DYSF: variants seen among roughly 807,000 people sequenced by gnomAD.
DYSF encodes the protein dysferlin.
DYSF carries 212 observed loss-of-function variants against 274.9 expected under a neutral mutation model. The ratio of observed to expected loss-of-function variants is 0.77; its 90% CI spans 0.69 to 0.86. The LOEUF is 0.86. Ranked by LOEUF, DYSF falls within the 40% of genes least tolerant of loss-of-function variation. DYSF has a pLI of 0.00. For synonymous variants in DYSF, 1,091 were observed against 1,078.7 expected (o/e 1.01, Z -0.22); for missense variants, 2,666 against 2,783.2 (o/e 0.96, Z 0.95).
Position 71,612,692 on chromosome 2 carries a change from G to A in DYSF, c.4273G>A (p.Asp1425Asn), listed in dbSNP as rs1558619808. 8.1e-6 allele frequency: 13 copies of A among 1,614,016 alleles called. No homozygotes were observed. Among genetic ancestry groups the A allele is most frequent in the African/African-American group, 2.7e-5 (2 of 74,892 alleles). The change falls in exon 39 of 56, where the codon GAT becomes AAT. Residue 1425 changes from aspartate (D) to asparagine (N), a missense_variant. This residue lies in a region of DYSF where 1,460 missense variants were observed against 1,502.1 expected (regional missense o/e 0.97). Coordinates refer to ENST00000410020, the MANE Select transcript of DYSF (RefSeq NM_001130987.2). ...CCCCCCCATCACCGTCAAGGTCATC[G>A]ATAACCGCCAGTTTGGCCGCCGGCC... ...YCPPITVKVI[D>N]NRQFGRRPVV... is the part of the protein sequence containing the mutation.
chr2:71,626,495 T>G (rs1413576983), intron 41 of DYSF, among the ~76,000 whole-genome samples: 1 of 151,460 alleles, frequency 6.6e-6, no homozygotes, highest in Non-Finnish European at 1.5e-5. Context: ...ATAACAGGAA[T>G]TTCAGCTTCA....
At chr2:71,529,722 T>G (rs574189809) in intron 14 of DYSF, among the ~76,000 whole-genome samples, 2 of 152,332 alleles carry the variant, frequency 1.3e-5, no homozygotes, top group South Asian at 4.1e-4. Flanking sequence ...AGCTACCTCT[T>G]ATCTAATGGT....
At chr2:71,567,740 A>G (rs1194336800) in intron 24 of DYSF, among the ~76,000 whole-genome samples, 4 of 151,398 alleles carry the variant, frequency 2.6e-5, no homozygotes, top group Non-Finnish European at 5.9e-5. Flanking sequence ...ATGGGGAGGA[A>G]TCTTGGTGAG....
intron 30 of DYSF, among the ~76,000 whole-genome samples, chr2:71,577,535 C>CTG (rs34127426): frequency 6.7e-6 from 1 of 148,664 alleles, no homozygotes; most frequent in Non-Finnish European, 1.5e-5. Flanking sequence ...CCCCCACTCT[C>CTG]ACACTAACAC....
Position 71,526,274 on chromosome 2 carries a change from C to T in DYSF, c.1204C>T (p.Arg402Trp), listed in dbSNP as rs370775850. 15 of 1,614,128 alleles carry T rather than the reference C, an allele frequency of 9.3e-6. No homozygotes were observed. The highest frequency in any genetic ancestry group is 3.3e-5 in the South Asian group (3 of 91,092). Residue 402 changes from arginine to tryptophan, a missense_variant, in exon 13 of 56, where the codon CGG becomes TGG. Physicochemically the swap from Arg to Trp is moderately radical, Grantham distance 101 (BLOSUM62 -3). Coordinates refer to ENST00000410020, the MANE Select transcript of DYSF (RefSeq NM_001130987.2). ...GGAGGACATTGAAAGCAACCTGCTCCGGCCCACAGGCGTAGCCCTGCGAGG... is the reference window on the plus strand; with the variant it reads ...GGAGGACATTGAAAGCAACCTGCTCTGGCCCACAGGCGTAGCCCTGCGAGG... ...DKEDIESNLL[R>W]PTGVALRGAH...
chr2:71,570,578 G>C lies in DYSF; in HGVS notation c.3086-21G>C, dbSNP rs763057464. The C allele has an allele frequency of 5.6e-6, 9 of 1,612,522 alleles. No individual in the cohort carries two copies. In the Admixed American group the frequency reaches 6.7e-5, roughly 12 times the overall value. ...TGGGGGGAACTGCCAAGCAATGAGT[G>C]ACCGGTTCCCCCTCCCCCAGGCTGG... On this transcript the variant is annotated intron_variant, in intron 28 of 55. Transcript: ENST00000410020.
At chr2:71,513,475 T>G (rs1246509485) in intron 6 of DYSF, 143 bp downstream of exon 6, 2 of 929,332 alleles carry the variant, frequency 2.2e-6, no homozygotes, top group Non-Finnish European at 3.3e-6. Context: ...CTAGGGCCAT[T>G]CTGTTTTCTT....
At chr2:71,528,120 G>A (rs577081487) in intron 13 of DYSF, among the ~76,000 whole-genome samples, 178 bp from the exon 14 acceptor site, 1 of 152,330 alleles carries the variant, frequency 6.6e-6, no homozygotes, top group South Asian at 2.1e-4. Flanking sequence ...GAGCTCTCAG[G>A]AGTTGCTGCT....
At chr2:71,554,040 C>T in intron 21 of DYSF, 109 bp downstream of exon 21, 3 of 1,472,140 alleles carry the variant, frequency 2.0e-6, no homozygotes, top group Non-Finnish European at 2.8e-6. Flanking sequence ...TGACACACGG[C>T]TGTGCCTACT....
chr2:71,461,819 G>A (rs1482297218), upstream of DYSF, among the ~76,000 whole-genome samples: 1 of 152,214 alleles, frequency 6.6e-6, no homozygotes, highest in Admixed American at 6.5e-5. Context: ...GCAAGCAACT[G>A]AAATCCTGGC....
chr2:71,557,606 A>T (rs1274747768), intron 22 of DYSF, among the ~76,000 whole-genome samples: 2 of 151,638 alleles, frequency 1.3e-5, no homozygotes, highest in African/African-American at 4.8e-5. Flanking sequence ...AGCTGTGATG[A>T]TGGTGTAACT....
At chr2:71,521,392 G>A (rs763164387) in intron 12 of DYSF, among the ~76,000 whole-genome samples, 1 of 152,366 alleles carries the variant, frequency 6.6e-6, no homozygotes, top group South Asian at 2.1e-4. Context: ...CTTTGTGGGA[G>A]AGGAGTGAGG....
chr2:71,484,101 G>A (rs2152686164), intron 3 of DYSF, among the ~76,000 whole-genome samples: 1 of 131,070 alleles, frequency 7.6e-6, no homozygotes, highest in African/African-American at 2.9e-5. Flanking sequence ...GGCCCAGGCT[G>A]GAGTGCAGTG....
intron 3 of DYSF, among the ~76,000 whole-genome samples, chr2:71,483,936 GA>G (rs2083147274): frequency 6.6e-6 from 1 of 151,940 alleles, no homozygotes; most frequent in African/African-American, 2.4e-5. Context: ...ACAGAGTTTA[GA>G]GGGGCAGAGG....
At chr2:71,540,360 C>T (rs1421641631) in intron 17 of DYSF, among the ~76,000 whole-genome samples, 6 of 152,010 alleles carry the variant, frequency 3.9e-5, no homozygotes, top group Admixed American at 3.3e-4. Context: ...CCGCCCACCT[C>T]GGCCTCCCAA....
At chr2:71,628,680 G>A (rs901602680) in intron 41 of DYSF, among the ~76,000 whole-genome samples, 1 of 152,308 alleles carries the variant, frequency 6.6e-6, no homozygotes, top group East Asian at 1.9e-4. Context: ...GCTGGGTGCA[G>A]TGGCTCATGC....
In DYSF at chr2:71,561,852, G is replaced by T; in HGVS notation, c.2317G>T (p.Ala773Ser). 1 of 1,614,168 alleles carries T rather than the reference G, an allele frequency of 6.2e-7. No individual in the cohort carries two copies. The highest frequency in any genetic ancestry group is 2.2e-5 in the East Asian group (1 of 44,876). The stretch of plus-strand genomic sequence containing the variant: ...TCACCTGAGCCAAATCACTGAGGCT[G>T]CCCTGGCCCTGAAGCTCGGCCACAG... ...THHLSQITEAALALKLGHSEL... is the reference protein window; with the variant it reads ...THHLSQITEASLALKLGHSEL... The change falls in exon 23 of 56, where the codon GCC (alanine) becomes TCC (serine). Residue 773 changes from alanine (A) to serine (S), a missense_variant. Transcript: ENST00000410020.
At chr2:71,680,775 T>G (rs922892370) in intron 53 of DYSF, among the ~76,000 whole-genome samples, 1 of 152,252 alleles carries the variant, frequency 6.6e-6, no homozygotes, top group Non-Finnish European at 1.5e-5. Flanking sequence ...ATGTTAACAG[T>G]GCTTGTCTCC....
intron 12 of DYSF, among the ~76,000 whole-genome samples, chr2:71,525,144 C>T (rs1221164271): frequency 6.6e-6 from 1 of 152,142 alleles, no homozygotes; most frequent in Non-Finnish European, 1.5e-5. Context: ...TGCATGGGTA[C>T]TCTCTCCCAG....
Sources: allele counts gnomAD v4.1 joint callset (sites outside exome capture counted in the v4.1 genomes callset), GRCh38; gene constraint gnomAD v4.1.1; regional missense constraint gnomAD v4.1.1; transcripts MANE v1.5; gene names NCBI Gene and HGNC (gene_info 2026-07-23, HGNC 2026-07-21).